Variants in WWP1 observed in about 807,000 individuals in gnomAD.
The protein encoded by WWP1 is NEDD4-like E3 ubiquitin-protein ligase WWP1.
WWP1 carries 49 observed loss-of-function variants against 130.6 expected under a neutral mutation model. The ratio of observed to expected loss-of-function variants is 0.38; its 90% CI spans 0.30 to 0.48. WWP1 has a LOEUF of 0.48. WWP1 is among the 20% of genes least tolerant of loss of function. The probability of loss-of-function intolerance (pLI) is 0.99; values close to 1 mark genes in which losing one functional copy is unlikely to be tolerated. For synonymous variants in WWP1, 332 were observed against 367.8 expected, an observed-to-expected ratio of 0.90 and a Z score of 1.11; for missense variants, 809 against 1,100.6, an observed-to-expected ratio of 0.74 and a Z score of 3.75.
intron 12 of WWP1, among the ~76,000 whole-genome samples, chr8:86,431,179 TTATC>T (rs1043992881): frequency 5.0e-5 from 7 of 140,142 alleles, no homozygotes; most frequent in East Asian, 2.0e-4. Context: ...TTCTACATAA[TTATC>T]TATAATATAA....
intron 16 of WWP1, among the ~76,000 whole-genome samples, chr8:86,438,118 A>G (rs1427531422): frequency 6.6e-6 from 1 of 152,200 alleles, no homozygotes; most frequent in African/African-American, 2.4e-5. Context: ...GTATTCTTAT[A>G]ATAAAGTAAG....
intron 24 of WWP1, among the ~76,000 whole-genome samples, chr8:86,465,849 C>CATTTAAAATACAAAGAAT (rs1812069280): frequency 6.6e-6 from 1 of 152,140 alleles, no homozygotes; most frequent in Admixed American, 6.5e-5. Flanking sequence ...TCTTTAACTT[C>CATTTAAAATACAAAGAAT]ATTTAAAATA....
intron 5 of WWP1, among the ~76,000 whole-genome samples, chr8:86,389,545 T>A (rs1434552193): frequency 6.6e-6 from 1 of 152,256 alleles, no homozygotes; most frequent in African/African-American, 2.4e-5. Context: ...GAGTCTCTTA[T>A]GTCTACTTCT....
intron 8 of WWP1, among the ~76,000 whole-genome samples, chr8:86,406,769 T>G (rs1289587854): frequency 1.3e-5 from 2 of 152,218 alleles, no homozygotes; most frequent in Non-Finnish European, 2.9e-5. Context: ...TCCCTCATGA[T>G]GTACCCTCTT....
chr8:86,450,678 TAA>T (rs1255507574), intron 20 of WWP1, among the ~76,000 whole-genome samples: 1 of 152,214 alleles, frequency 6.6e-6, no homozygotes, highest in Non-Finnish European at 1.5e-5. Flanking sequence ...CAGTCTCAAA[TAA>T]TAACAGACTT....
At chr8:86,386,828 C>G (rs940497692) in intron 5 of WWP1, 1 of 152,144 alleles carries the variant, frequency 6.6e-6, no homozygotes, top group Non-Finnish European at 1.5e-5. Flanking sequence ...TAAATACATT[C>G]ATCACAGTTC....
At chr8:86,346,388 A>T (rs1179390226) in intron 1 of WWP1, among the ~76,000 whole-genome samples, 4 of 152,070 alleles carry the variant, frequency 2.6e-5, no homozygotes, top group African/African-American at 7.2e-5. Context: ...GCGCCACTAC[A>T]CTCCAGCCTG....
chr8:86,431,100 A>G (rs1276903399), intron 12 of WWP1, among the ~76,000 whole-genome samples: 4 of 137,564 alleles, frequency 2.9e-5, no homozygotes, highest in African/African-American at 1.1e-4. Context: ...TGTATTATAT[A>G]TATAATATAC....
chr8:86,385,116 A>G (rs956764566), intron 5 of WWP1, among the ~76,000 whole-genome samples: 3 of 152,212 alleles, frequency 2.0e-5, no homozygotes, highest in Admixed American at 1.3e-4. Context: ...ATTCAGTACT[A>G]AAAACATTTT....
At chr8:86,365,306 T>G (rs1470357759) in intron 1 of WWP1, among the ~76,000 whole-genome samples, 2 of 152,218 alleles carry the variant, frequency 1.3e-5, no homozygotes, top group African/African-American at 4.8e-5. Context: ...TGAAAGGAAC[T>G]TTGAAATTGA....
At chr8:86,405,619 C>A (rs1371152960) in intron 8 of WWP1, among the ~76,000 whole-genome samples, 1 of 152,060 alleles carries the variant, frequency 6.6e-6, no homozygotes, top group Non-Finnish European at 1.5e-5. Context: ...GTAGCTCTGA[C>A]CTCCTGGGCT....
chr8:86,374,258 G>T lies in WWP1; in HGVS notation c.70+138G>T, dbSNP rs967234118. 34 of 620,912 alleles carry T rather than the reference G, an allele frequency of 5.5e-5. 1 individual carries two copies. In the South Asian group the frequency reaches 6.6e-4, roughly 12 times the overall value. The allele number at this position is 620,912 out of a possible 1,614,324, so 38.5% of individuals were successfully genotyped here. On this transcript the variant is annotated intron_variant, in intron 3 of 24. Transcript: ENST00000517970. ...ATATTTGTTGCAACAAGCCTCAAAG[G>T]TAGATGCCCTCCAAAACTATATTAT...
intron 7 of WWP1, among the ~76,000 whole-genome samples, chr8:86,401,092 T>C (rs537591110): frequency 6.6e-6 from 1 of 152,184 alleles, no homozygotes; most frequent in Non-Finnish European, 1.5e-5. Flanking sequence ...TGTTTGATTT[T>C]GTTGTTAGTT....
intron 9 of WWP1, 57 bp downstream of exon 9, chr8:86,411,931 C>A: frequency 6.9e-7 from 1 of 1,441,368 alleles, no homozygotes; most frequent in Non-Finnish European, 9.4e-7. Flanking sequence ...TGTTAACATA[C>A]GATTATTGAA....
At chr8:86,390,379 C>G (rs998530904) in intron 5 of WWP1, among the ~76,000 whole-genome samples, 54 of 152,140 alleles carry the variant, frequency 3.5e-4, no homozygotes, top group African/African-American at 1.3e-3. Flanking sequence ...GCCGAGATCA[C>G]GCCACTGCAC....
At chr8:86,405,984 C>T (rs576217846) in intron 8 of WWP1, among the ~76,000 whole-genome samples, 2 of 152,328 alleles carry the variant, frequency 1.3e-5, no homozygotes, top group Admixed American at 6.5e-5. Flanking sequence ...AGGGCTTCCA[C>T]CTCCCCCACC....
chr8:86,467,904 C>G lies in WWP1; in HGVS notation c.*1011C>G, dbSNP rs1196764374. 6 of 152,612 alleles carry G rather than the reference C, an allele frequency of 3.9e-5. No homozygotes were observed. The highest frequency in any genetic ancestry group is 1.4e-4 in the African/African-American group (6 of 41,452). The allele number at this position is 152,612 out of a possible 1,614,324, so 9.5% of individuals were successfully genotyped here. A position where few individuals can be genotyped will look rare whatever the true frequency, so the allele number is the denominator to read the frequency against. ...AGTGTTTGAATATCTTCATTCCTCTCAAATTCATAACAGTTCTATTTAACT... is the reference window on the plus strand; with the variant it reads ...AGTGTTTGAATATCTTCATTCCTCTGAAATTCATAACAGTTCTATTTAACT... On this transcript the variant is annotated 3_prime_UTR_variant, in exon 25 of 25. Transcript: ENST00000517970.
chr8:86,431,235 C>A lies in WWP1; in HGVS notation c.1388-171C>A, dbSNP rs370844847. On this transcript the variant is annotated intron_variant, in intron 12 of 24. Coordinates refer to ENST00000517970, the MANE Select transcript of WWP1 (RefSeq NM_007013.4). ...TATAATATAATATATGTTATATTCT[C>A]TATAATATATATTATATTCTATATA... 2.8e-4 allele frequency among the ~76,000 whole-genome samples: 39 copies of A among 138,744 alleles called. 1 individual carries two copies. In the South Asian group the frequency reaches 3.7e-3, roughly 13 times the overall value. 91.0% of individuals were successfully genotyped at this position (138,744 alleles called of 152,430 possible).
chr8:86,353,942 C>T (rs1823105430), intron 1 of WWP1, among the ~76,000 whole-genome samples: 1 of 152,176 alleles, frequency 6.6e-6, no homozygotes, highest in South Asian at 2.1e-4. Context: ...CTTGGGAATA[C>T]CATTTTTCTA....
Sources: allele counts gnomAD v4.1 joint callset (sites outside exome capture counted in the v4.1 genomes callset), GRCh38; gene constraint gnomAD v4.1.1; transcripts MANE v1.5; gene names NCBI Gene and HGNC (gene_info 2026-07-23, HGNC 2026-07-21).